Variants in TPR observed in about 807,000 individuals in gnomAD.
TPR encodes nucleoprotein TPR.
In TPR, 51 loss-of-function variants were observed where a neutral mutation model predicts 316.1. The ratio of observed to expected loss-of-function variants is 0.16; its 90% confidence interval spans 0.13 to 0.20. The LOEUF (loss-of-function observed/expected upper bound fraction) is 0.20, where lower values mean the gene tolerates loss of function less well. Ranked by LOEUF, TPR falls within the 10% of genes least tolerant of loss-of-function variation. TPR has a pLI of 1.00. For missense variants in TPR, 2,272 were observed against 2,754.8 expected (o/e 0.82, Z 3.92); for synonymous variants, 981 against 914.7 (o/e 1.07, Z -1.31).
intron 45 of TPR, among the ~76,000 whole-genome samples, chr1:186,322,020 G>C (rs763119143): frequency 3.9e-5 from 6 of 152,134 alleles, no homozygotes; most frequent in Admixed American, 1.3e-4. Context: ...ACTTGCTACC[G>C]CTAGTAAACA....
chr1:186,352,995 T>C (rs1025485689), intron 18 of TPR, among the ~76,000 whole-genome samples: 3 of 152,242 alleles, frequency 2.0e-5, no homozygotes, highest in African/African-American at 7.2e-5. Context: ...TGGACATTTA[T>C]ATTCAAGTTA....
chr1:186,354,112 T>C (rs1358155600), intron 17 of TPR, among the ~76,000 whole-genome samples: 2 of 152,182 alleles, frequency 1.3e-5, no homozygotes, highest in African/African-American at 2.4e-5. Flanking sequence ...TAAAATTAAA[T>C]GAGCGCTGGC....
intron 41 of TPR, 106 bp downstream of exon 41, chr1:186,325,998 C>G: frequency 1.3e-6 from 2 of 1,559,822 alleles, no homozygotes; most frequent in Non-Finnish European, 1.7e-6. Flanking sequence ...ACAAAACAAC[C>G]AAAGGTTTTA....
In TPR at chr1:186,313,083, A is replaced by G. The variant is rs1412727020; in HGVS notation, c.*888T>C. 1.6e-6 allele frequency: 1 copy of G among 614,244 alleles called. No homozygotes were observed. The highest frequency in any genetic ancestry group is 2.9e-6 in the Non-Finnish European group (1 of 350,260). The allele number at this position is 614,244 out of a possible 1,614,324, so 38.0% of individuals were successfully genotyped here. On this transcript the variant is annotated 3_prime_UTR_variant, in exon 51 of 51. Transcript: ENST00000367478. The stretch of plus-strand genomic sequence containing the variant: ...ATTAAAATGATGGCACTGCAATTCA[A>G]TTCTGCTCTAACCTTCATGAGATTA...
At chr1:186,347,627 C>T (rs1354872080) in intron 21 of TPR, among the ~76,000 whole-genome samples, 169 bp from the exon 22 acceptor site, 2 of 152,194 alleles carry the variant, frequency 1.3e-5, no homozygotes, top group East Asian at 3.8e-4. Flanking sequence ...TGTTATGTTA[C>T]TTCCTCAAAA....
At chr1:186,337,264 CT>C (rs1166208611) in intron 31 of TPR, 108 bp from the exon 32 acceptor site, 19 of 1,342,988 alleles carry the variant, frequency 1.4e-5, no homozygotes, top group Non-Finnish European at 1.9e-5. Flanking sequence ...AATTTTATCC[CT>C]GAAGGTATTC....
chr1:186,343,819 T>C (rs1042886376), intron 26 of TPR, 87 bp downstream of exon 26: 4 of 1,171,308 alleles, frequency 3.4e-6, no homozygotes, highest in Non-Finnish European at 4.7e-6. Flanking sequence ...CAAAATCGTG[T>C]ATAATCTCCT....
chr1:186,320,887 A>C (rs934983399), intron 45 of TPR, among the ~76,000 whole-genome samples: 1 of 152,212 alleles, frequency 6.6e-6, no homozygotes, highest in Admixed American at 6.5e-5. Context: ...TTCTAATATT[A>C]GATAGCTAAA....
At chr1:186,319,177 G>T (rs1657698619) in intron 46 of TPR, among the ~76,000 whole-genome samples, 1 of 151,972 alleles carries the variant, frequency 6.6e-6, no homozygotes, top group Admixed American at 6.6e-5. Context: ...AGAGACAGGG[G>T]TCAGTCTTGT....
rs1657293382 is a variant in TPR, at chr1:186,312,122, G to A, written c.*1849C>T. ...GTAAAAGTTGTTTTCCACCTTTTCT[G>A]AGGGTATTAAAATTAATTTTCATTT... On this transcript the variant is annotated 3_prime_UTR_variant, in exon 51 of 51. Coordinates refer to ENST00000367478, the MANE Select transcript of TPR (RefSeq NM_003292.3). The A allele has an allele frequency of 6.5e-7, 1 of 1,529,840 alleles. No homozygotes were observed. The highest frequency in any genetic ancestry group is 9.0e-7 in the Non-Finnish European group (1 of 1,106,214). 94.8% of individuals were successfully genotyped at this position (1,529,840 alleles called of 1,614,324 possible). A position where few individuals can be genotyped will look rare whatever the true frequency, so the allele number is the denominator to read the frequency against.
intron 37 of TPR, among the ~76,000 whole-genome samples, chr1:186,332,597 A>G (rs1210994034): frequency 1.3e-5 from 2 of 152,132 alleles, no homozygotes; most frequent in Non-Finnish European, 2.9e-5. Flanking sequence ...TTGCTTAATA[A>G]AGCCAGCCAA....
chr1:186,346,119 C>A lies in TPR; in HGVS notation c.3096+16G>T, dbSNP rs370456788. ...TTACAAGTTAAAAAAAAAATTAATA[C>A]GGTTAACCTATTTACCTGTTGTTCC... On this transcript the variant is annotated intron_variant, in intron 23 of 50. Transcript: ENST00000367478. 5 of 1,575,048 alleles carry A rather than the reference C, an allele frequency of 3.2e-6. No homozygotes were observed. Among genetic ancestry groups the A allele is most frequent in the Non-Finnish European group, 3.4e-6 (4 of 1,164,868 alleles).
chr1:186,344,608 A>G, intron 24 of TPR, 30 bp from the exon 25 acceptor site: 1 of 1,446,494 alleles, frequency 6.9e-7, no homozygotes, highest in Non-Finnish European at 9.1e-7. Context: ...AATTGATACC[A>G]AAGATTAAAA....
Position 186,333,387 on chromosome 1 carries a change from C to A in TPR, c.5190G>T (p.Gln1730His). 1 of 1,612,824 alleles carries A rather than the reference C, an allele frequency of 6.2e-7. No individual in the cohort carries two copies. Among genetic ancestry groups the A allele is most frequent in the Non-Finnish European group, 8.5e-7 (1 of 1,179,248 alleles). The change falls in exon 37 of 51, where the codon CAG becomes CAT. Residue 1730 changes from glutamine to histidine, a missense_variant. By Grantham distance (24) the Gln-to-His change is conservative. This residue lies in a region of TPR where 435 missense variants were observed against 461.1 expected (regional missense o/e 0.94). Transcript: ENST00000367478. ...GAACATGTTCCACAGGCCCTTCTGA[C>A]TGCATAGCTGAAAAATAATTATAAT... ...TTQVESQEAM[Q>H]SEGPVEHVPV...
chr1:186,332,206 C>G lies in TPR; in HGVS notation c.5593G>C (p.Val1865Leu), dbSNP rs1658186902. ...LPKKLKSVTPVGTEEEVMAEE... is the reference protein window; with the variant it reads ...LPKKLKSVTPLGTEEEVMAEE... ...AGAACTTTACGCACCTCAGTTCCTA[C>G]AGGTGTGACACTTTTCAACTTCTTT... is the stretch of plus-strand genomic sequence containing the variant. The change falls in exon 38 of 51, where the codon GTA (valine) becomes CTA (leucine). Residue 1865 changes from valine to leucine, a missense_variant. Around this residue, in one of 10 missense-constraint regions of TPR, gnomAD observed 435 missense variants for 461.1 expected, o/e 0.94. Coordinates refer to ENST00000367478, the MANE Select transcript of TPR (RefSeq NM_003292.3). The G allele has an allele frequency of 6.2e-7, 1 of 1,609,660 alleles. No individual in the cohort carries two copies. Among genetic ancestry groups the G allele is most frequent in the African/African-American group, 1.3e-5 (1 of 74,756 alleles).
At chr1:186,325,222 T>C (rs1418225994) in intron 42 of TPR, among the ~76,000 whole-genome samples, 3 of 152,198 alleles carry the variant, frequency 2.0e-5, no homozygotes, top group Admixed American at 2.0e-4. Context: ...TAATCACTAA[T>C]TATTTAATAC....
In TPR at chr1:186,336,635, C is replaced by T. The variant is rs1209852758; in HGVS notation, c.4566G>A (p.Gln1522=). Residue 1522 remains glutamine, a synonymous_variant, in exon 33 of 51, where the codon CAG becomes CAA. Transcript: ENST00000367478. The part of the protein sequence containing the change: ...RNLQEQTVQL[Q]SELSRLRQDL... ...CCTGACGAAGTCGTGAAAGTTCAGA[C>T]TGAAGTTGCACAGTCTGTTCCTGGA... is the stretch of plus-strand genomic sequence containing the variant. 1 of 1,613,850 alleles carries T rather than the reference C, an allele frequency of 6.2e-7. No homozygotes were observed. The highest frequency in any genetic ancestry group is 1.7e-5 in the Admixed American group (1 of 59,942).
chr1:186,325,797 C>G lies in TPR; in HGVS notation c.6079G>C (p.Gly2027Arg). Residue 2027 changes from glycine (G) to arginine (R), a missense_variant, in exon 42 of 51, where the codon GGT (glycine) becomes CGT (arginine). Transcript: ENST00000367478. ...ETEESMGGGE[G>R]NHRAADSQNS... ...TGAGAATCAGCAGCTCTGTGATTAC[C>G]TTCACCTCCACCCATACTTTCTTCT... 1 of 1,613,476 alleles carries G rather than the reference C, an allele frequency of 6.2e-7. No homozygotes were observed. Among genetic ancestry groups the G allele is most frequent in the Non-Finnish European group, 8.5e-7 (1 of 1,179,662 alleles).
intron 49 of TPR, 30 bp from the exon 50 acceptor site, chr1:186,314,754 C>A (rs1284195585): frequency 2.7e-6 from 4 of 1,490,000 alleles, no homozygotes; most frequent in African/African-American, 1.4e-5. Context: ...AAAAGAAAAG[C>A]AAGTGAAAAA....
Sources: gnomAD v4.1 joint callset for allele counts (sites outside exome capture counted in the v4.1 genomes callset) on GRCh38, gnomAD v4.1.1 for gene constraint, gnomAD v4.1.1 regional missense constraint, MANE v1.5 for transcripts, NCBI Gene and HGNC (gene_info 2026-07-23, HGNC 2026-07-21) for gene names.